TENM4: variants seen among roughly 807,000 people sequenced by gnomAD.
The protein encoded by TENM4 is teneurin transmembrane protein 4, also known as teneurin-4.
In TENM4, 82 loss-of-function variants were observed where a neutral mutation model predicts 243.3. The observed-to-expected ratio is 0.34, with a 90% CI of 0.28 to 0.40. TENM4 has a LOEUF of 0.40. Among genes scored for constraint, TENM4 ranks in the 10% least tolerant of loss-of-function variants. The pLI is 1.00. For missense variants in TENM4, 3,138 were observed against 3,673.3 expected, an observed-to-expected ratio of 0.85 and a Z score of 3.77; for synonymous variants, 1,412 against 1,456.3, an observed-to-expected ratio of 0.97 and a Z score of 0.69.
rs6592807 is a variant in TENM4, at chr11:78,783,300, A to G, written c.2365+3598T>C. On this transcript the variant is annotated intron_variant, in intron 16 of 33. Coordinates refer to ENST00000278550, the MANE Select transcript of TENM4 (RefSeq NM_001098816.3). Reference sequence around the variant, plus strand: ...CACTTGGTGACTCTCTGTCAATCATATACTTGAGAAACAGATCCAAATCAA... The same window carrying G: ...CACTTGGTGACTCTCTGTCAATCATGTACTTGAGAAACAGATCCAAATCAA... Among the ~76,000 whole-genome samples the G allele has an allele frequency of 5.0e-3, 761 of 152,362 alleles. 6 individuals carry two copies. The highest frequency in any genetic ancestry group is 0.017 in the African/African-American group (723 of 41,568).
chr11:79,036,884 AC>A (rs919819922), intron 6 of TENM4, among the ~76,000 whole-genome samples: 1 of 151,840 alleles, frequency 6.6e-6, no homozygotes, highest in Non-Finnish European at 1.5e-5. Context: ...GGTGGCGGTC[AC>A]CTGTATTCCC....
chr11:78,775,619 G>C (rs1042977873), intron 17 of TENM4, among the ~76,000 whole-genome samples: 2 of 152,140 alleles, frequency 1.3e-5, no homozygotes, highest in African/African-American at 2.4e-5. Flanking sequence ...CATGAGGAAG[G>C]CTCTTCCAGG....
chr11:79,293,539 A>G (rs1856392172), intron 2 of TENM4, among the ~76,000 whole-genome samples: 1 of 151,972 alleles, frequency 6.6e-6, no homozygotes, highest in Non-Finnish European at 1.5e-5. Flanking sequence ...AAAAGAAAAA[A>G]AAGTGTTAGG....
chr11:78,653,583 C>T lies in TENM4; in HGVS notation c.*4475G>A, dbSNP rs1033260912. The T allele has an allele frequency of 3.3e-5, 5 of 152,220 alleles. No homozygotes were observed. The highest frequency in any genetic ancestry group is 1.2e-4 in the African/African-American group (5 of 41,450). The allele number at this position is 152,220 out of a possible 1,614,324, so 9.4% of individuals were successfully genotyped here. A position where few individuals can be genotyped will look rare whatever the true frequency, so the allele number is the denominator to read the frequency against. On this transcript the variant is annotated 3_prime_UTR_variant, in exon 34 of 34. Transcript: ENST00000278550. ...TGCCGAAGCTGCGGGTTCAGAGGTG[C>T]TCAGAACAACAGGTGGATTTAGAAA...
At chr11:79,155,848 G>A (rs1463052279) in intron 3 of TENM4, among the ~76,000 whole-genome samples, 3 of 151,596 alleles carry the variant, frequency 2.0e-5, no homozygotes, top group African/African-American at 7.3e-5. Context: ...ACATGAAGAT[G>A]TGTATCTGGG....
At chr11:79,011,983 C>T (rs186066755) in intron 6 of TENM4, among the ~76,000 whole-genome samples, 105 of 152,270 alleles carry the variant, frequency 6.9e-4, no homozygotes, top group Middle Eastern at 3.4e-3. Flanking sequence ...CACCTCCACG[C>T]ATCTTTATGT....
chr11:78,903,316 T>TGGGCAGGCTCCTGGGCGC lies in TENM4; in HGVS notation c.683_700dup (p.Ala233_His234insArgAlaGlnGluProAla), dbSNP rs2136328286. ...GTTGAGCAGCCAGTTCTCCTGGGCGTGGGCAGGCTCCTGGGCGCCGCCGGC... is the reference window on the plus strand; with the variant it reads ...GTTGAGCAGCCAGTTCTCCTGGGCGTGGGCAGGCTCCTGGGCGCGGGCAGGCTCCTGGGCGCCGCCGGC... On this transcript the variant is annotated inframe_insertion, in exon 7 of 34. Transcript: ENST00000278550. 6.7e-7 allele frequency: 1 copy of TGGGCAGGCTCCTGGGCGC among 1,483,552 alleles called. No individual in the cohort carries two copies. The allele number at this position is 1,483,552 out of a possible 1,614,324, so 91.9% of individuals were successfully genotyped here. A position where few individuals can be genotyped will look rare whatever the true frequency, so the allele number is the denominator to read the frequency against.
chr11:79,088,163 C>T (rs989396302), intron 4 of TENM4, among the ~76,000 whole-genome samples: 2 of 152,196 alleles, frequency 1.3e-5, no homozygotes, highest in Non-Finnish European at 2.9e-5. Context: ...GTGAAATGTA[C>T]CAGTCTTGGA....
chr11:79,119,411 C>A (rs1383180563), intron 4 of TENM4, among the ~76,000 whole-genome samples: 1 of 140,464 alleles, frequency 7.1e-6, no homozygotes, highest in East Asian at 1.9e-4. Flanking sequence ...CATAACAATT[C>A]CATACCCACT....
intron 6 of TENM4, among the ~76,000 whole-genome samples, chr11:79,016,027 C>G (rs1411091218): frequency 6.6e-6 from 1 of 152,064 alleles, no homozygotes; most frequent in Non-Finnish European, 1.5e-5. Flanking sequence ...GACCAAGGTA[C>G]TGAGAGTGTG....
chr11:78,749,478 T>C (rs1053992265), intron 19 of TENM4: 1 of 152,166 alleles, frequency 6.6e-6, no homozygotes, highest in Non-Finnish European at 1.5e-5. Context: ...TGGTGTTTAT[T>C]TGAAGTCCAT....
chr11:78,759,969 T>A (rs1856394591), intron 18 of TENM4, among the ~76,000 whole-genome samples: 2 of 152,220 alleles, frequency 1.3e-5, no homozygotes, highest in African/African-American at 4.8e-5. Flanking sequence ...TTTCTGAATC[T>A]TAGTGAAACA....
chr11:79,401,979 A>G, intron 1 of TENM4: 1 of 363,540 alleles, frequency 2.8e-6, no homozygotes, highest in Non-Finnish European at 6.4e-6. Flanking sequence ...GAGATCCCTC[A>G]GGGAGGGTGT....
intron 4 of TENM4, among the ~76,000 whole-genome samples, chr11:79,136,299 C>T (rs753317778): frequency 6.6e-6 from 1 of 152,072 alleles, no homozygotes; most frequent in African/African-American, 2.4e-5. Context: ...AATGGGTGAC[C>T]TCAGCAGAGG....
At chr11:78,961,566 A>C (rs1857321880) in intron 6 of TENM4, among the ~76,000 whole-genome samples, 1 of 152,244 alleles carries the variant, frequency 6.6e-6, no homozygotes, top group Non-Finnish European at 1.5e-5. Flanking sequence ...TTAGCCCTGC[A>C]GCTGGCTGGG....
At chr11:79,158,297 T>C (rs1050265312) in intron 3 of TENM4, among the ~76,000 whole-genome samples, 1 of 152,226 alleles carries the variant, frequency 6.6e-6, no homozygotes, top group Non-Finnish European at 1.5e-5. Context: ...GAAGAAAGAA[T>C]GATCTCCCCT....
chr11:79,256,646 G>C (rs561610083), intron 2 of TENM4, among the ~76,000 whole-genome samples: 2 of 152,336 alleles, frequency 1.3e-5, no homozygotes, highest in East Asian at 3.9e-4. Flanking sequence ...GACTGTCCAT[G>C]TCAGGTTTGT....
chr11:79,009,445 G>C (rs1175175240), intron 6 of TENM4, among the ~76,000 whole-genome samples: 1 of 152,140 alleles, frequency 6.6e-6, no homozygotes, highest in Non-Finnish European at 1.5e-5. Flanking sequence ...CCCTTTATGA[G>C]CTTGCAGCCT....
Position 78,970,779 on chromosome 11 carries a change from G to A in TENM4, c.494-67256C>T, listed in dbSNP as rs1857527067. Among the ~76,000 whole-genome samples, 3 of 152,140 alleles carry A rather than the reference G, an allele frequency of 2.0e-5. No homozygotes were observed. In the South Asian group the frequency reaches 6.2e-4, roughly 32 times the overall value. ...TATGGAAAAAATGTAGGATATAAATGACTTAATTTACAATGGAGAGTCAGA... is the reference window on the plus strand; with the variant it reads ...TATGGAAAAAATGTAGGATATAAATAACTTAATTTACAATGGAGAGTCAGA... On this transcript the variant is annotated intron_variant, in intron 6 of 33. Coordinates refer to ENST00000278550, the MANE Select transcript of TENM4 (RefSeq NM_001098816.3).
Sources: allele counts gnomAD v4.1 joint callset (sites outside exome capture counted in the v4.1 genomes callset), GRCh38; gene constraint gnomAD v4.1.1; transcripts MANE v1.5; gene names NCBI Gene and HGNC (gene_info 2026-07-23, HGNC 2026-07-21).